The following SGCZ variants were observed in gnomAD, a reference collection of about 807,000 sequenced individuals.
SGCZ encodes the protein sarcoglycan zeta, also known as zeta-sarcoglycan.
A neutral mutation model predicts 41.3 loss-of-function variants in SGCZ; 40 were observed. That is an observed-to-expected ratio of 0.97 (90% CI 0.75 to 1.26). The LOEUF (loss-of-function observed/expected upper bound fraction) is 1.26. Ranked by LOEUF, SGCZ falls within the 50% of genes most tolerant of loss-of-function variation. The pLI is 0.00. For synonymous variants in SGCZ, 206 were observed against 137.5 expected, an observed-to-expected ratio of 1.50 and a Z score of -3.49; for missense variants, 552 against 369.8, an observed-to-expected ratio of 1.49 and a Z score of -4.04.
intron 5 of SGCZ, among the ~76,000 whole-genome samples, chr8:14,119,393 A>AT (rs1204702128): frequency 6.6e-6 from 1 of 151,990 alleles, no homozygotes; most frequent in African/African-American, 2.4e-5. Context: ...AATGCTTGTG[A>AT]TTTTTGCACA....
At chr8:14,755,730 T>C (rs1401467477) in intron 1 of SGCZ, among the ~76,000 whole-genome samples, 1 of 152,156 alleles carries the variant, frequency 6.6e-6, no homozygotes, top group East Asian at 1.9e-4. Context: ...AAGGCTGTGC[T>C]AAGTGCCCTG....
In SGCZ at chr8:14,264,054, A is replaced by G. The variant is rs1799773901; in HGVS notation, c.337-26375T>C. Among the ~76,000 whole-genome samples, 3 of 152,208 alleles carry G rather than the reference A, an allele frequency of 2.0e-5. No homozygotes were observed. The South Asian group carries it at 6.2e-4, about 32-fold the overall frequency. On this transcript the variant is annotated intron_variant, in intron 3 of 7. Transcript: ENST00000382080. ...CTAAAAGGCAACCTACAGCCCCAGC[A>G]GTATGGTCTCATGTTCCAGCCAGCA...
In SGCZ at chr8:15,016,555, G is replaced by A. The variant is rs73665369; in HGVS notation, c.39+221030C>T. ...CGTAGACCAGGAACGCACTGTTATCGCAGACGCTCATTGAATGTATTCCCA... is the reference window on the plus strand; with the variant it reads ...CGTAGACCAGGAACGCACTGTTATCACAGACGCTCATTGAATGTATTCCCA... On this transcript the variant is annotated intron_variant, in intron 1 of 7. Transcript: ENST00000382080. 7.6e-4 allele frequency among the ~76,000 whole-genome samples: 116 copies of A among 152,256 alleles called. 1 individual carries two copies. The highest frequency in any genetic ancestry group is 2.5e-3 in the African/African-American group (102 of 41,544).
At chr8:14,495,052 A>C (rs533904249) in intron 2 of SGCZ, among the ~76,000 whole-genome samples, 1 of 152,150 alleles carries the variant, frequency 6.6e-6, no homozygotes, top group Non-Finnish European at 1.5e-5. Flanking sequence ...CATGCTCCCC[A>C]GTTGATTCTT....
chr8:14,980,569 T>A (rs141956237), intron 1 of SGCZ, among the ~76,000 whole-genome samples: 1 of 152,174 alleles, frequency 6.6e-6, no homozygotes, highest in Non-Finnish European at 1.5e-5. Context: ...CTCACAATCA[T>A]GGTGGAAGGC....
intron 1 of SGCZ, among the ~76,000 whole-genome samples, chr8:14,617,522 C>T (rs1241492397): frequency 1.3e-5 from 2 of 152,068 alleles, no homozygotes; most frequent in East Asian, 3.9e-4. Context: ...ATTTATAATG[C>T]CGTCTTCAGA....
At chr8:14,998,046 T>C (rs1397615616) in intron 1 of SGCZ, among the ~76,000 whole-genome samples, 2 of 152,208 alleles carry the variant, frequency 1.3e-5, no homozygotes, top group African/African-American at 4.8e-5. Flanking sequence ...TCCTCCCTTT[T>C]GTCAGAAACA....
chr8:14,893,912 T>C (rs1191165693), intron 1 of SGCZ, among the ~76,000 whole-genome samples: 3 of 152,172 alleles, frequency 2.0e-5, no homozygotes, highest in Non-Finnish European at 4.4e-5. Context: ...TTTATTCAGC[T>C]TTATTATTAG....
chr8:14,820,286 A>C (rs948887253), intron 1 of SGCZ, among the ~76,000 whole-genome samples: 1 of 152,070 alleles, frequency 6.6e-6, no homozygotes, highest in Non-Finnish European at 1.5e-5. Flanking sequence ...TACAATGAAA[A>C]TGGGATCAAT....
intron 2 of SGCZ, among the ~76,000 whole-genome samples, chr8:14,544,300 T>A (rs960438788): frequency 8.5e-5 from 13 of 152,150 alleles, no homozygotes; most frequent in African/African-American, 3.1e-4. Context: ...ATAACTGTGG[T>A]AACTGTACAA....
At chr8:14,227,306 A>T (rs1174489700) in intron 4 of SGCZ, among the ~76,000 whole-genome samples, 1 of 152,106 alleles carries the variant, frequency 6.6e-6, no homozygotes, top group Non-Finnish European at 1.5e-5. Flanking sequence ...GATCTCCAAA[A>T]TTTATGAATT....
chr8:14,323,074 A>C (rs902718146), intron 3 of SGCZ, among the ~76,000 whole-genome samples: 40 of 152,156 alleles, frequency 2.6e-4, no homozygotes, highest in Admixed American at 6.6e-5. Flanking sequence ...TTCTAGTACC[A>C]GAGTAGAGTC....
chr8:14,397,788 T>C (rs942119423), intron 2 of SGCZ, among the ~76,000 whole-genome samples: 1 of 152,114 alleles, frequency 6.6e-6, no homozygotes, highest in African/African-American at 2.4e-5. Context: ...ACCAGCATCT[T>C]CATCCCCTTT....
chr8:15,120,240 G>C (rs1319964467), intron 1 of SGCZ, among the ~76,000 whole-genome samples: 1 of 152,146 alleles, frequency 6.6e-6, no homozygotes, highest in African/African-American at 2.4e-5. Context: ...AGTTTTGCTT[G>C]GGATTGTTAT....
intron 1 of SGCZ, among the ~76,000 whole-genome samples, chr8:14,603,648 C>T (rs1317470585): frequency 3.9e-5 from 6 of 152,200 alleles, no homozygotes; most frequent in Non-Finnish European, 1.5e-5. Flanking sequence ...GAAAGACCCA[C>T]AAATGCAATT....
chr8:14,633,733 C>A (rs1364769503), intron 1 of SGCZ, among the ~76,000 whole-genome samples: 1 of 151,662 alleles, frequency 6.6e-6, no homozygotes, highest in South Asian at 2.1e-4. Context: ...AGTTTAGCCT[C>A]CAGGCAGGTA....
intron 1 of SGCZ, among the ~76,000 whole-genome samples, chr8:14,894,331 T>C (rs951966338): frequency 9.2e-5 from 14 of 152,212 alleles, no homozygotes; most frequent in African/African-American, 3.4e-4. Flanking sequence ...ACTTCTAAAA[T>C]ATATAAAGCA....
At chr8:14,624,077 A>C (rs1257003444) in intron 1 of SGCZ, among the ~76,000 whole-genome samples, 1 of 152,182 alleles carries the variant, frequency 6.6e-6, no homozygotes, top group Non-Finnish European at 1.5e-5. Flanking sequence ...TTTAATAAAC[A>C]TTTACTATGT....
At chr8:14,146,635 G>T (rs1042124116) in intron 5 of SGCZ, among the ~76,000 whole-genome samples, 1 of 151,978 alleles carries the variant, frequency 6.6e-6, no homozygotes, top group Admixed American at 6.6e-5. Flanking sequence ...CACTTTGGGA[G>T]GCCGAGGCGG....
Sources: allele counts gnomAD v4.1 joint callset (sites outside exome capture counted in the v4.1 genomes callset), GRCh38; gene constraint gnomAD v4.1.1; transcripts MANE v1.5; gene names NCBI Gene and HGNC (gene_info 2026-07-23, HGNC 2026-07-21).